The following ADGRV1 variants were observed in gnomAD, a reference collection of about 807,000 sequenced individuals.
ADGRV1 encodes adhesion G protein-coupled receptor V1, also known as G-protein coupled receptor 98.
ADGRV1 carries 359 observed loss-of-function variants against 596.2 expected under a neutral mutation model. The observed-to-expected ratio is 0.60, with a 90% CI of 0.55 to 0.66. The LOEUF is 0.66. Ranked by LOEUF, ADGRV1 falls within the 30% of genes least tolerant of loss-of-function variation. The pLI is 0.00. For synonymous variants in ADGRV1, 2,681 were observed against 2,679.2 expected, an observed-to-expected ratio of 1.00 and a Z score of -0.02; for missense variants, 7,274 against 7,575.6, an observed-to-expected ratio of 0.96 and a Z score of 1.48.
chr5:90,776,658 C>A, intron 61 of ADGRV1, 82 bp downstream of exon 61: 1 of 1,384,808 alleles, frequency 7.2e-7, no homozygotes. Flanking sequence ...TTATCATTCT[C>A]AATACATACA....
At chr5:91,116,762 G>A (rs1253566582) in intron 87 of ADGRV1, among the ~76,000 whole-genome samples, 1 of 152,254 alleles carries the variant, frequency 6.6e-6, no homozygotes, top group African/African-American at 2.4e-5. Flanking sequence ...TGTTGGGCCA[G>A]TACCATACTG....
At chr5:90,962,714 T>C (rs1278978214) in intron 83 of ADGRV1, among the ~76,000 whole-genome samples, 1 of 152,220 alleles carries the variant, frequency 6.6e-6, no homozygotes, top group East Asian at 1.9e-4. Context: ...ACTAATCTCC[T>C]GTACAGACAG....
intron 83 of ADGRV1, among the ~76,000 whole-genome samples, chr5:90,948,148 A>C (rs893389079): frequency 3.3e-5 from 5 of 152,266 alleles, no homozygotes; most frequent in African/African-American, 1.2e-4. Flanking sequence ...AAGTTCAGAA[A>C]GTTAAGTAAC....
intron 86 of ADGRV1, among the ~76,000 whole-genome samples, chr5:91,094,459 T>C (rs1790675075): frequency 7.7e-6 from 1 of 129,550 alleles, no homozygotes. Context: ...AGTCCTTCTA[T>C]GTAAAAAAAA....
intron 85 of ADGRV1, among the ~76,000 whole-genome samples, chr5:91,051,133 G>A (rs1369735190): frequency 6.6e-6 from 1 of 152,086 alleles, no homozygotes. Context: ...AACCCTAAAA[G>A]GCTCCTTATG....
rs201743191 is a variant in ADGRV1 at position 90,777,913 on chromosome 5, G to A, written c.12536G>A (p.Arg4179Gln). 58 of 1,610,172 alleles carry A rather than the reference G, an allele frequency of 3.6e-5. No individual in the cohort carries two copies. Among genetic ancestry groups the A allele is most frequent in the Middle Eastern group, 1.7e-4 (1 of 6,048 alleles). ...TTTGTTTATTGTTGTAGCCTTGTTC[G>A]AGGCCCAGGGATTTTGGGGGAGGTC... ...YNGTAIISLV[R>Q]GPGILGEVTV... is the part of the protein sequence containing the mutation. The change falls in exon 62 of 90, where the codon CGA becomes CAA. Residue 4179 changes from arginine (R) to glutamine (Q), a missense_variant. Arg to Gln is a conservative substitution (Grantham distance 43). Transcript: ENST00000405460.
rs1250697342 is a variant in ADGRV1 at position 90,926,340 on chromosome 5, T to C, written c.17857-39075T>C. 4.6e-5 allele frequency among the ~76,000 whole-genome samples: 7 copies of C among 151,646 alleles called. No individual in the cohort carries two copies. In the South Asian group the frequency reaches 8.4e-4, roughly 18 times the overall value. On this transcript the variant is annotated intron_variant, in intron 83 of 89. Transcript: ENST00000405460. The stretch of plus-strand genomic sequence containing the variant: ...TTATTGGTCTATTCAGAGATTCAAC[T>C]TCTTCCTAGTTTAGTCTTGGGAGAG...
chr5:91,070,614 A>C (rs7733024), intron 85 of ADGRV1, among the ~76,000 whole-genome samples: 12,653 of 152,278 alleles, frequency 0.083, 717 homozygotes, highest in African/African-American at 0.15. Context: ...TGAGATTTTC[A>C]TGCAAGATTT....
At chr5:91,007,668 C>T (rs1174673058) in intron 85 of ADGRV1, among the ~76,000 whole-genome samples, 2 of 152,092 alleles carry the variant, frequency 1.3e-5, no homozygotes, top group African/African-American at 4.8e-5. Context: ...AGAACAGAGC[C>T]GTATCGCAAG....
chr5:91,145,441 C>A (rs980205657), intron 87 of ADGRV1, among the ~76,000 whole-genome samples: 5 of 152,280 alleles, frequency 3.3e-5, no homozygotes, highest in African/African-American at 9.6e-5. Flanking sequence ...TTAAGGCTGA[C>A]AGTTTTATTT....
Position 90,813,132 on chromosome 5 carries a change from C to CAAAAAAAAAAAAAAAAAAAA in ADGRV1, c.16078+1807_16078+1826dup. Reference sequence around the variant, plus strand: ...TGGGCGACAGAGTAAGACTCCGTCTCAAAAAAAAAAAAAAAAAAAAAAAAA... The same window carrying CAAAAAAAAAAAAAAAAAAAA: ...TGGGCGACAGAGTAAGACTCCGTCTCAAAAAAAAAAAAAAAAAAAAAAAAAAAAAAAAAAAAAAAAAAAAA... On this transcript the variant is annotated intron_variant, in intron 74 of 89. Transcript: ENST00000405460. Among the ~76,000 whole-genome samples, 22 of 34,922 alleles carry CAAAAAAAAAAAAAAAAAAAA rather than the reference C, an allele frequency of 6.3e-4. 5 individuals are homozygous for CAAAAAAAAAAAAAAAAAAAA. Among genetic ancestry groups the CAAAAAAAAAAAAAAAAAAAA allele is most frequent in the South Asian group, 4.0e-3 (2 of 500 alleles). The allele number at this position is 34,922 out of a possible 152,430, so 22.9% of individuals were successfully genotyped here.
intron 83 of ADGRV1, among the ~76,000 whole-genome samples, chr5:90,897,706 T>G (rs555387087): frequency 4.0e-4 from 61 of 152,312 alleles, no homozygotes; most frequent in Admixed American, 9.2e-4. Flanking sequence ...ATCTTCCTTT[T>G]TGAGGGCTAT....
intron 79 of ADGRV1, among the ~76,000 whole-genome samples, chr5:90,851,320 G>C (rs1212816874): frequency 6.6e-6 from 1 of 151,736 alleles, no homozygotes; most frequent in Non-Finnish European, 1.5e-5. Context: ...GACATGGGAG[G>C]GTGGTACCTT....
At chr5:90,620,316 CATT>C (rs1763898878) in intron 4 of ADGRV1, among the ~76,000 whole-genome samples, 1 of 152,154 alleles carries the variant, frequency 6.6e-6, no homozygotes, top group South Asian at 2.1e-4. Flanking sequence ...GATGGTGTCT[CATT>C]GTGGTTTTGA....
chr5:90,666,213 G>T (rs1771347013), intron 21 of ADGRV1, among the ~76,000 whole-genome samples: 1 of 151,484 alleles, frequency 6.6e-6, no homozygotes, highest in Non-Finnish European at 1.5e-5. Flanking sequence ...TGACAGTGGG[G>T]TGTTAAAGTC....
At chr5:90,889,417 G>A (rs1445969519) in intron 83 of ADGRV1, among the ~76,000 whole-genome samples, 1 of 152,000 alleles carries the variant, frequency 6.6e-6, no homozygotes, top group Non-Finnish European at 1.5e-5. Flanking sequence ...CTTATTCAGG[G>A]AATGAGGAAG....
intron 86 of ADGRV1, among the ~76,000 whole-genome samples, chr5:91,097,952 A>G (rs547937737): frequency 6.6e-6 from 1 of 152,216 alleles, no homozygotes; most frequent in East Asian, 1.9e-4. Flanking sequence ...CCTTTATTTT[A>G]TATAGCACAG....
intron 85 of ADGRV1, among the ~76,000 whole-genome samples, chr5:91,036,467 C>A (rs1360484890): frequency 1.3e-5 from 2 of 151,604 alleles, no homozygotes; most frequent in African/African-American, 4.8e-5. Flanking sequence ...GAGGCTGAGG[C>A]AGGAGAATGG....
chr5:90,662,318 C>T (rs907301558), intron 21 of ADGRV1, among the ~76,000 whole-genome samples: 11 of 151,668 alleles, frequency 7.3e-5, no homozygotes, highest in East Asian at 1.9e-4. Flanking sequence ...CTCAGCCTCC[C>T]GAGTAGCTGG....
Sources: allele counts gnomAD v4.1 joint callset (sites outside exome capture counted in the v4.1 genomes callset), GRCh38; gene constraint gnomAD v4.1.1; transcripts MANE v1.5; gene names NCBI Gene and HGNC (gene_info 2026-07-23, HGNC 2026-07-21).